The following IGFL2 variants were observed in gnomAD, a reference collection of about 807,000 sequenced individuals.
The protein encoded by IGFL2 is IGF like family member 2.
A neutral mutation model predicts 13.9 loss-of-function variants in IGFL2; 7 were observed. The observed-to-expected ratio is 0.51, with a 90% CI of 0.29 to 0.95. IGFL2 has a LOEUF of 0.95. Among genes scored for constraint, IGFL2 ranks in the 40% least tolerant of loss-of-function variants. The pLI is 0.08. For synonymous variants in IGFL2, 55 were observed against 55.8 expected (o/e 0.99, Z 0.07); for missense variants, 138 against 147.8 (o/e 0.93, Z 0.34).
At chr19:46,128,410 TTATC>T in the IGFL2 span, among the ~76,000 whole-genome samples, 1 of 152,212 alleles carries the variant, frequency 6.6e-6, no homozygotes, top group Non-Finnish European at 1.5e-5. Flanking sequence ...GAGGGCATCC[TTATC>T]TTGTACCAGT....
chr19:46,170,730 C>T, the IGFL2 span, among the ~76,000 whole-genome samples: 1 of 152,138 alleles, frequency 6.6e-6, no homozygotes, highest in Admixed American at 6.5e-5. Context: ...CTGCCTTATG[C>T]AGTTGCAGAT....
At chr19:46,118,002 TCTA>T in the IGFL2 span, among the ~76,000 whole-genome samples, 1 of 152,174 alleles carries the variant, frequency 6.6e-6, no homozygotes, top group Non-Finnish European at 1.5e-5. Context: ...GGGCTAATAA[TCTA>T]CTGTTGATTT....
At chr19:46,138,958 A>G (rs1972730710), upstream of IGFL2, among the ~76,000 whole-genome samples, 2 of 152,024 alleles carry the variant, frequency 1.3e-5, no homozygotes, top group Admixed American at 1.3e-4. Context: ...TGGGCTCTAC[A>G]CAGGCTAGAG....
intron 1 of IGFL2, chr19:46,159,857 A>T (rs548154517): frequency 6.4e-6 from 1 of 156,368 alleles, no homozygotes; most frequent in Admixed American, 6.3e-5. Flanking sequence ...AGTCTCACCT[A>T]CTCAGGAAGC....
At chr19:46,090,102 A>G in the IGFL2 span, among the ~76,000 whole-genome samples, 1 of 151,778 alleles carries the variant, frequency 6.6e-6, no homozygotes, top group Non-Finnish European at 1.5e-5. Context: ...AAGTTCACAG[A>G]TTCTTTTTTC....
At chr19:46,127,774 AAT>A in the IGFL2 span, among the ~76,000 whole-genome samples, 1 of 152,118 alleles carries the variant, frequency 6.6e-6, no homozygotes, top group Non-Finnish European at 1.5e-5. Context: ...ACTTTTTTAA[AAT>A]GTTAAAAAAT....
the IGFL2 span, among the ~76,000 whole-genome samples, chr19:46,177,112 A>T: frequency 1.3e-5 from 2 of 152,182 alleles, no homozygotes; most frequent in Non-Finnish European, 2.9e-5. Context: ...AAAAAAAAAA[A>T]ATAGCTGGGC....
upstream of IGFL2, chr19:46,147,956 T>G: frequency 3.1e-6 from 1 of 321,014 alleles, no homozygotes; most frequent in Non-Finnish European, 5.7e-6. Context: ...GGAATCTCTT[T>G]CAAGTCTCTT....
chr19:46,149,002 C>G, intron 1 of IGFL2: 2 of 1,604,126 alleles, frequency 1.2e-6, no homozygotes, highest in Non-Finnish European at 8.5e-7. Context: ...TTCAGTGTCT[C>G]AGGCATGAGG....
At chr19:46,113,612 A>T in the IGFL2 span, 1 of 281,490 alleles carries the variant, frequency 3.6e-6, no homozygotes, top group Admixed American at 4.0e-5. Context: ...GGCTCCACTG[A>T]TGTCTATAGA....
At chr19:46,097,598 T>G in the IGFL2 span, among the ~76,000 whole-genome samples, 2 of 152,320 alleles carry the variant, frequency 1.3e-5, no homozygotes, top group Admixed American at 1.3e-4. Context: ...AGTTGCAATA[T>G]TAGGGTGTCG....
At chr19:46,153,839 A>T (rs1860653) in intron 1 of IGFL2, among the ~76,000 whole-genome samples, 78,385 of 138,868 alleles carry the variant, frequency 0.56, 21,917 homozygotes, top group African/African-American at 0.68. Context: ...ATATATATAT[A>T]TTTTTTTTAC....
At chr19:46,135,382 T>C in the IGFL2 span, among the ~76,000 whole-genome samples, 1 of 152,202 alleles carries the variant, frequency 6.6e-6, no homozygotes, top group African/African-American at 2.4e-5. Flanking sequence ...TTTCTCTATT[T>C]GGTATCCATT....
chr19:46,121,685 G>A, the IGFL2 span, among the ~76,000 whole-genome samples: 1 of 150,874 alleles, frequency 6.6e-6, no homozygotes, highest in Admixed American at 6.6e-5. Flanking sequence ...CAAGACAGTT[G>A]TAAAGAAAGG....
At chr19:46,154,715 C>T (rs1448963473) in intron 1 of IGFL2, among the ~76,000 whole-genome samples, 2 of 152,290 alleles carry the variant, frequency 1.3e-5, no homozygotes, top group Middle Eastern at 3.4e-3. Flanking sequence ...TCCCAAAGTG[C>T]TGGGATTACA....
At chr19:46,166,074 G>A (rs1363186493), downstream of IGFL2, among the ~76,000 whole-genome samples, 1 of 152,186 alleles carries the variant, frequency 6.6e-6, no homozygotes, top group Non-Finnish European at 1.5e-5. Context: ...TCATCTACTG[G>A]AGGAAGTTCT....
At chr19:46,110,375 A>G in the IGFL2 span, among the ~76,000 whole-genome samples, 1 of 152,186 alleles carries the variant, frequency 6.6e-6, no homozygotes, top group Admixed American at 6.5e-5. Context: ...TCCTGCAACA[A>G]CACAATCACT....
At chr19:46,106,326 C>G in the IGFL2 span, among the ~76,000 whole-genome samples, 1 of 152,106 alleles carries the variant, frequency 6.6e-6, no homozygotes, top group East Asian at 1.9e-4. Flanking sequence ...AGAAGGTTGT[C>G]AAAATTTTGA....
the IGFL2 span, chr19:46,124,562 T>G: frequency 6.9e-7 from 1 of 1,450,162 alleles, no homozygotes; most frequent in South Asian, 1.1e-5. Context: ...TAAATCGGGT[T>G]GAGGTTTGGG....
Sources: allele counts gnomAD v4.1 joint callset (sites outside exome capture counted in the v4.1 genomes callset), GRCh38; gene constraint gnomAD v4.1.1; transcripts MANE v1.5; gene names NCBI Gene and HGNC (gene_info 2026-07-23, HGNC 2026-07-21).